FHIT: variants seen among roughly 807,000 people sequenced by gnomAD.
FHIT encodes fragile histidine triad diadenosine triphosphatase.
A neutral mutation model predicts 17.9 loss-of-function variants in FHIT; 19 were observed. The observed-to-expected ratio is 1.06, with a 90% confidence interval of 0.74 to 1.56. The LOEUF (loss-of-function observed/expected upper bound fraction) is 1.56. FHIT is among the 40% of genes most tolerant of loss of function. FHIT has a pLI of 0.00. For missense variants in FHIT, 248 were observed against 189.2 expected, an observed-to-expected ratio of 1.31 and a Z score of -1.82; for synonymous variants, 81 against 69.7, an observed-to-expected ratio of 1.16 and a Z score of -0.81.
rs144986059 is a variant in FHIT at position 60,578,204 on chromosome 3, C to T, written c.-17-41225G>A. On this transcript the variant is annotated intron_variant, in intron 4 of 9. Coordinates refer to ENST00000492590, the MANE Select transcript of FHIT (RefSeq NM_002012.4). ...CTGTAATCCCAGCACTTTGGGAGGCCGAGGTGGGTGGATCACAAGGTCAAG... is the reference window on the plus strand; with the variant it reads ...CTGTAATCCCAGCACTTTGGGAGGCTGAGGTGGGTGGATCACAAGGTCAAG... Among the ~76,000 whole-genome samples the T allele has an allele frequency of 1.8e-3, 280 of 151,966 alleles. 1 individual carries two copies. Among genetic ancestry groups the T allele is most frequent in the African/African-American group, 6.3e-3 (263 of 41,460 alleles).
At chr3:60,531,811 G>T (rs190761750) in intron 5 of FHIT, among the ~76,000 whole-genome samples, 80 of 152,182 alleles carry the variant, frequency 5.3e-4, no homozygotes, top group African/African-American at 1.7e-3. Flanking sequence ...ACATGGTAAC[G>T]GTCTGAAAAC....
intron 3 of FHIT, among the ~76,000 whole-genome samples, chr3:60,859,465 G>A (rs782727557): frequency 7.9e-5 from 12 of 152,068 alleles, no homozygotes; most frequent in Admixed American, 5.2e-4. Flanking sequence ...GCATTTCCAA[G>A]CTTCAGTGGA....
chr3:60,638,409 C>G lies in FHIT; in HGVS notation c.-17-101430G>C, dbSNP rs566179051. Among the ~76,000 whole-genome samples, 6 of 152,308 alleles carry G rather than the reference C, an allele frequency of 3.9e-5. No individual in the cohort carries two copies. The South Asian group carries it at 1.2e-3, about 32-fold the overall frequency. ...GAAACTTGATATTTAAGGCATCACA[C>G]TGACAACATGTGAATCTAGGATCAA... On this transcript the variant is annotated intron_variant, in intron 4 of 9. Transcript: ENST00000492590.
At chr3:60,760,891 G>A (rs1699626001) in intron 4 of FHIT, among the ~76,000 whole-genome samples, 1 of 152,206 alleles carries the variant, frequency 6.6e-6, no homozygotes, top group East Asian at 1.9e-4. Context: ...GTCCCCAATA[G>A]ACCTGAGTGG....
intron 8 of FHIT, among the ~76,000 whole-genome samples, chr3:59,875,946 G>GAA (rs66497870): frequency 5.3e-5 from 6 of 112,312 alleles, no homozygotes; most frequent in African/African-American, 2.2e-4. Flanking sequence ...GATAAAAAAA[G>GAA]AAAAAAAAAA....
intron 4 of FHIT, among the ~76,000 whole-genome samples, chr3:60,599,768 C>G (rs2038384412): frequency 6.6e-6 from 1 of 151,808 alleles, no homozygotes; most frequent in South Asian, 2.1e-4. Flanking sequence ...TGAGAATGCT[C>G]ACCTACTGCC....
chr3:61,039,965 T>C (rs766850023), intron 3 of FHIT, among the ~76,000 whole-genome samples: 12 of 152,210 alleles, frequency 7.9e-5, no homozygotes, highest in South Asian at 2.1e-4. Flanking sequence ...CTCCTCTTTG[T>C]AATTCAAGTG....
intron 5 of FHIT, among the ~76,000 whole-genome samples, chr3:60,370,428 A>C (rs2107054041): frequency 6.6e-6 from 1 of 152,276 alleles, no homozygotes; most frequent in Non-Finnish European, 1.5e-5. Context: ...ACTAGTGTCA[A>C]TTCACTAAAG....
intron 3 of FHIT, among the ~76,000 whole-genome samples, chr3:60,979,008 T>A (rs959991336): frequency 6.6e-6 from 1 of 152,174 alleles, no homozygotes; most frequent in Admixed American, 6.5e-5. Context: ...ACAGATTGGG[T>A]TTTTGAAAAT....
At chr3:60,400,212 T>C (rs978806346) in intron 5 of FHIT, among the ~76,000 whole-genome samples, 1 of 151,740 alleles carries the variant, frequency 6.6e-6, no homozygotes, top group African/African-American at 2.4e-5. Flanking sequence ...AATTCAGGAG[T>C]TGTCCCTAGA....
At chr3:60,891,170 C>T (rs1165339175) in intron 3 of FHIT, among the ~76,000 whole-genome samples, 1 of 152,194 alleles carries the variant, frequency 6.6e-6, no homozygotes, top group African/African-American at 2.4e-5. Flanking sequence ...CCTGGCTTGA[C>T]AGGCTACTGC....
At chr3:60,167,850 G>A (rs912023152) in intron 5 of FHIT, among the ~76,000 whole-genome samples, 2 of 152,116 alleles carry the variant, frequency 1.3e-5, no homozygotes, top group African/African-American at 4.8e-5. Flanking sequence ...GGGCATCACA[G>A]TGAGACCTCA....
intron 5 of FHIT, among the ~76,000 whole-genome samples, chr3:60,231,346 A>G (rs895402276): frequency 1.3e-5 from 2 of 152,182 alleles, no homozygotes; most frequent in African/African-American, 4.8e-5. Context: ...TATAAATTCA[A>G]TTAATTATTT....
At chr3:60,921,588 G>A (rs1707283942) in intron 3 of FHIT, among the ~76,000 whole-genome samples, 2 of 152,144 alleles carry the variant, frequency 1.3e-5, no homozygotes, top group African/African-American at 4.8e-5. Flanking sequence ...CTTTTAAAAT[G>A]TCAAATCCTT....
At chr3:60,768,275 G>C (rs1285992118) in intron 4 of FHIT, among the ~76,000 whole-genome samples, 3 of 152,158 alleles carry the variant, frequency 2.0e-5, no homozygotes, top group African/African-American at 7.2e-5. Flanking sequence ...GAAAAAGAGG[G>C]GAAGACTGAA....
chr3:60,339,784 A>T (rs1710425576), intron 5 of FHIT, among the ~76,000 whole-genome samples: 1 of 152,196 alleles, frequency 6.6e-6, no homozygotes, highest in Admixed American at 6.5e-5. Context: ...GTTCCTGGGC[A>T]CCATGTGTAA....
intron 5 of FHIT, among the ~76,000 whole-genome samples, chr3:60,287,225 G>C (rs1213806060): frequency 1.3e-5 from 2 of 152,226 alleles, no homozygotes; most frequent in South Asian, 2.1e-4. Context: ...CTGGAGTGCA[G>C]TGGCAAGATC....
intron 4 of FHIT, among the ~76,000 whole-genome samples, chr3:60,780,264 A>G (rs1451814638): frequency 2.0e-5 from 3 of 151,982 alleles, no homozygotes; most frequent in African/African-American, 7.3e-5. Flanking sequence ...CTCTTCACTA[A>G]TAGGTAATTG....
At chr3:59,952,761 A>C (rs1359508214) in intron 7 of FHIT, among the ~76,000 whole-genome samples, 1 of 152,156 alleles carries the variant, frequency 6.6e-6, no homozygotes, top group Admixed American at 6.5e-5. Context: ...TCTGCATTTG[A>C]ACACAAGTTG....
Sources: gnomAD v4.1 joint callset for allele counts (sites outside exome capture counted in the v4.1 genomes callset) on GRCh38, gnomAD v4.1.1 for gene constraint, MANE v1.5 for transcripts, NCBI Gene and HGNC (gene_info 2026-07-23, HGNC 2026-07-21) for gene names.